RAE1: variants seen among roughly 807,000 people sequenced by gnomAD.
RAE1 encodes ribonucleic acid export 1, also known as mRNA export factor RAE1.
A neutral mutation model predicts 52.7 loss-of-function variants in RAE1; 13 were observed. The observed-to-expected ratio is 0.25, with a 90% CI of 0.16 to 0.39. The LOEUF (loss-of-function observed/expected upper bound fraction) is 0.39, where lower values mean the gene tolerates loss of function less well. Among genes scored for constraint, RAE1 ranks in the 10% least tolerant of loss-of-function variants. The probability of loss-of-function intolerance (pLI) is 1.00; values close to 1 mark genes in which losing one functional copy is unlikely to be tolerated. For missense variants in RAE1, 262 were observed against 459.8 expected (o/e 0.57, Z 3.93); for synonymous variants, 164 against 153.1 (o/e 1.07, Z -0.52).
rs779319608 is a variant in RAE1, at chr20:57,374,783, C to T, written c.1002C>T (p.Ser334=). The T allele has an allele frequency of 1.2e-6, 2 of 1,614,210 alleles. No homozygotes were observed. The highest frequency in any genetic ancestry group is 3.3e-5 in the Admixed American group (2 of 60,032). The part of the protein sequence containing the change: ...NHNGNIFAYA[S]SYDWSKGHEF... ...ATGGAAACATATTTGCATACGCTTC[C>T]AGCTACGACTGGTCAAAGGTGAGAA... Residue 334 remains serine (S), a synonymous_variant, in exon 11 of 12, where the codon TCC becomes TCT. Coordinates refer to ENST00000395841, the MANE Select transcript of RAE1 (RefSeq NM_003610.4).
intron 4 of RAE1, chr20:57,359,526 C>T (rs1306086050): frequency 6.6e-6 from 1 of 152,246 alleles, no homozygotes; most frequent in East Asian, 1.9e-4. Context: ...GTTTTTTACT[C>T]TCTGTAGGAA....
At chr20:57,371,158 G>A (rs752589817) in intron 8 of RAE1, 1 of 152,210 alleles carries the variant, frequency 6.6e-6, no homozygotes, top group African/African-American at 2.4e-5. Context: ...GGTCTTGGCA[G>A]TAATTTCTTG....
At chr20:57,356,579 G>T (rs760759758) in intron 4 of RAE1, 41 bp downstream of exon 4, 30 of 1,508,236 alleles carry the variant, frequency 2.0e-5, no homozygotes, top group Non-Finnish European at 2.7e-5. Flanking sequence ...TTTACTTAAA[G>T]TACAGAATGA....
At position 57,360,701 on chromosome 20, in the gene RAE1, G is replaced by A. The variant is rs965987626; in HGVS notation, c.288+4163G>A. Among the ~76,000 whole-genome samples the A allele has an allele frequency of 3.9e-5, 6 of 152,106 alleles. No homozygotes were observed. The East Asian group carries it at 1.2e-3, about 29-fold the overall frequency. ...TTAGATGGAGCTTAGCACTCTTTAC[G>A]CCAAGTTCTATTAGCTTGGGTTAAC... On this transcript the variant is annotated intron_variant, in intron 4 of 11. Coordinates refer to ENST00000395841, the MANE Select transcript of RAE1 (RefSeq NM_003610.4).
At position 57,366,816 on chromosome 20, in the gene RAE1, C is replaced by A; in HGVS notation, c.385C>A (p.Pro129Thr). ...TTTGTCTTGTTGAAAGCATGATGCTCCTGTTAAAACCATCCATTGGATCAA... is the reference window on the plus strand; with the variant it reads ...TTTGTCTTGTTGAAAGCATGATGCTACTGTTAAAACCATCCATTGGATCAA... ...QAIQIAQHDA[P>T]VKTIHWIKAP... Residue 129 changes from proline to threonine, a missense_variant, in exon 6 of 12, where the codon CCT becomes ACT. Physicochemically the swap from Pro to Thr is conservative, Grantham distance 38. Coordinates refer to ENST00000395841, the MANE Select transcript of RAE1 (RefSeq NM_003610.4). 2 of 1,612,172 alleles carry A rather than the reference C, an allele frequency of 1.2e-6. No individual in the cohort carries two copies. The highest frequency in any genetic ancestry group is 1.7e-6 in the Non-Finnish European group (2 of 1,178,212).
Position 57,351,261 on chromosome 20 carries a change from G to C in RAE1, c.-169G>C. On this transcript the variant is annotated 5_prime_UTR_variant, in exon 1 of 12. Coordinates refer to ENST00000395841, the MANE Select transcript of RAE1 (RefSeq NM_003610.4). ...TCCAGGGCGCACGCGCGTTGTTTCCGCGGTAGTCAGGGCAGTTTCTACCGC... is the reference window on the plus strand; with the variant it reads ...TCCAGGGCGCACGCGCGTTGTTTCCCCGGTAGTCAGGGCAGTTTCTACCGC... The C allele has an allele frequency of 1.0e-6, 1 of 985,458 alleles. No homozygotes were observed. The highest frequency in any genetic ancestry group is 1.2e-6 in the Non-Finnish European group (1 of 829,930). 61.0% of individuals were successfully genotyped at this position (985,458 alleles called of 1,614,324 possible).
At chr20:57,375,544 C>CT (rs1479859465) in intron 11 of RAE1, among the ~76,000 whole-genome samples, 1 of 152,086 alleles carries the variant, frequency 6.6e-6, no homozygotes, top group African/African-American at 2.4e-5. Flanking sequence ...CCTCATGGCT[C>CT]TTTTCTGGGC....
Position 57,360,851 on chromosome 20 carries a change from T to G in RAE1, c.288+4313T>G, listed in dbSNP as rs189705237. On this transcript the variant is annotated intron_variant, in intron 4 of 11. Coordinates refer to ENST00000395841, the MANE Select transcript of RAE1 (RefSeq NM_003610.4). ...TGTGGGGGTGTGGTTGAGCAAAGTGTTTTGAGCTGCATTTGTGCATGCTTG... is the reference window on the plus strand; with the variant it reads ...TGTGGGGGTGTGGTTGAGCAAAGTGGTTTGAGCTGCATTTGTGCATGCTTG... Among the ~76,000 whole-genome samples the G allele has an allele frequency of 8.5e-5, 13 of 152,294 alleles. No homozygotes were observed. In the East Asian group the frequency reaches 2.5e-3, roughly 29 times the overall value.
At chr20:57,375,824 T>G (rs753027867) in intron 11 of RAE1, among the ~76,000 whole-genome samples, 4 of 152,228 alleles carry the variant, frequency 2.6e-5, no homozygotes, top group Non-Finnish European at 4.4e-5. Context: ...CACCCGTCCC[T>G]TCCTGTTCCA....
intron 4 of RAE1, among the ~76,000 whole-genome samples, chr20:57,361,336 G>A (rs996520302): frequency 6.6e-6 from 1 of 152,104 alleles, no homozygotes; most frequent in Admixed American, 6.5e-5. Context: ...TTGGGTAGGA[G>A]GAGCCTTAAG....
At chr20:57,352,616 A>G (rs2066726946) in intron 1 of RAE1, among the ~76,000 whole-genome samples, 1 of 152,206 alleles carries the variant, frequency 6.6e-6, no homozygotes, top group Non-Finnish European at 1.5e-5. Context: ...TTCATCCCTA[A>G]TGGCAGAAAT....
At chr20:57,373,301 C>T in intron 8 of RAE1, 174 bp from the exon 9 acceptor site, 1 of 633,318 alleles carries the variant, frequency 1.6e-6, no homozygotes, top group South Asian at 2.0e-5. Context: ...AAACTCACTG[C>T]TTAGATGGAG....
At chr20:57,377,131 A>G (rs911901) in intron 11 of RAE1, among the ~76,000 whole-genome samples, 77,213 of 152,054 alleles carry the variant, frequency 0.51, 21,789 homozygotes, top group East Asian at 0.75. Flanking sequence ...TATTATGAGA[A>G]TTAGTGGTCA....
intron 2 of RAE1, 103 bp from the exon 3 acceptor site, chr20:57,354,609 G>T: frequency 1.3e-6 from 1 of 743,700 alleles, no homozygotes; most frequent in Middle Eastern, 2.5e-4. Context: ...GTTAGTTCTT[G>T]TACACAAGGA....
At chr20:57,353,615 T>G (rs181457769) in intron 1 of RAE1, among the ~76,000 whole-genome samples, 1 of 152,348 alleles carries the variant, frequency 6.6e-6, no homozygotes, top group East Asian at 1.9e-4. Flanking sequence ...GGTGGAAACC[T>G]GAAAGCACGG....
intron 11 of RAE1, among the ~76,000 whole-genome samples, chr20:57,377,273 C>T (rs1311225108): frequency 1.3e-5 from 2 of 152,332 alleles, no homozygotes; most frequent in East Asian, 1.9e-4. Flanking sequence ...CTTTGGCCCA[C>T]CTGCGGCTCC....
intron 11 of RAE1, among the ~76,000 whole-genome samples, chr20:57,375,434 T>C (rs1305694858): frequency 3.9e-5 from 6 of 152,132 alleles, no homozygotes; most frequent in Non-Finnish European, 8.8e-5. Context: ...TGGCTTCCGA[T>C]GGGGAGGTCA....
chr20:57,356,324 A>G (rs1408025744), intron 3 of RAE1, 122 bp from the exon 4 acceptor site: 2 of 607,302 alleles, frequency 3.3e-6, no homozygotes, highest in African/African-American at 1.8e-5. Flanking sequence ...TTGAAGTTAG[A>G]TAATTAGGTT....
chr20:57,373,204 G>C lies in RAE1; in HGVS notation c.643-271G>C, dbSNP rs540889803. On this transcript the variant is annotated intron_variant, in intron 8 of 11. Coordinates refer to ENST00000395841, the MANE Select transcript of RAE1 (RefSeq NM_003610.4). ...TCTGCCTCGCAGCCCATGGGGCTCT[G>C]CTGGCGTGAACGCGGCCTTGCAGGG... 7 of 457,614 alleles carry C rather than the reference G, an allele frequency of 1.5e-5. 1 individual carries two copies. Among genetic ancestry groups the C allele is most frequent in the South Asian group, 1.4e-4 (6 of 43,464 alleles). 28.3% of individuals were successfully genotyped at this position (457,614 alleles called of 1,614,324 possible).
Sources: allele counts gnomAD v4.1 joint callset (sites outside exome capture counted in the v4.1 genomes callset), GRCh38; gene constraint gnomAD v4.1.1; transcripts MANE v1.5; gene names NCBI Gene and HGNC (gene_info 2026-07-23, HGNC 2026-07-21).